Variants in TNKS2 observed in about 807,000 individuals in gnomAD.
TNKS2 encodes the protein tankyrase 2.
In TNKS2, 72 loss-of-function variants were observed where a neutral mutation model predicts 137.6. The observed-to-expected ratio is 0.52, with a 90% confidence interval of 0.43 to 0.64. TNKS2 has a LOEUF of 0.64. Among genes scored for constraint, TNKS2 ranks in the 30% least tolerant of loss-of-function variants. The probability of loss-of-function intolerance (pLI) is 0.00; values close to 1 mark genes in which losing one functional copy is unlikely to be tolerated. For missense variants in TNKS2, 1,049 were observed against 1,410.2 expected (o/e 0.74, Z 4.10); for synonymous variants, 516 against 512.1 (o/e 1.01, Z -0.10).
chr10:91,855,037 C>T lies in TNKS2; in HGVS notation c.2824C>T (p.Pro942Ser), dbSNP rs923219921. Residue 942 changes from proline (P) to serine (S), a missense_variant, in exon 22 of 27, where the codon CCA becomes TCA. Around this residue, in one of 6 missense-constraint regions of TNKS2, gnomAD observed 208 missense variants for 231.2 expected, o/e 0.90. Coordinates refer to ENST00000371627, the MANE Select transcript of TNKS2 (RefSeq NM_025235.4). ...RLISGQQGLN[P>S]YLTLNTSGSG... ...CAAATTTTGTTTCATAGGTCTTAAC[C>T]CATATTTAACTTTGAACACCTCTGG... 2 of 1,593,298 alleles carry T rather than the reference C, an allele frequency of 1.3e-6. No individual in the cohort carries two copies. Among genetic ancestry groups the T allele is most frequent in the Non-Finnish European group, 1.7e-6 (2 of 1,162,344 alleles).
At chr10:91,853,375 A>G (rs1842608976) in intron 21 of TNKS2, among the ~76,000 whole-genome samples, 1 of 152,160 alleles carries the variant, frequency 6.6e-6, no homozygotes, top group African/African-American at 2.4e-5. Flanking sequence ...GCTGTGTCTG[A>G]TCTAGCATAT....
At chr10:91,829,931 A>G (rs1845187736) in intron 9 of TNKS2, among the ~76,000 whole-genome samples, 2 of 152,362 alleles carry the variant, frequency 1.3e-5, no homozygotes, top group South Asian at 2.1e-4. Flanking sequence ...TTAGTCATGT[A>G]TCATTCAGAC....
intron 7 of TNKS2, among the ~76,000 whole-genome samples, chr10:91,824,983 A>C (rs929061248): frequency 6.6e-6 from 1 of 152,244 alleles, no homozygotes; most frequent in Non-Finnish European, 1.5e-5. Flanking sequence ...GGCCAATAGT[A>C]GAATAGTATT....
At chr10:91,843,755 G>T (rs1260644786) in intron 16 of TNKS2, among the ~76,000 whole-genome samples, 1 of 152,008 alleles carries the variant, frequency 6.6e-6, no homozygotes, top group Non-Finnish European at 1.5e-5. Flanking sequence ...ATTTAAACAT[G>T]GTATAAAAAG....
At chr10:91,858,517 C>A (rs570654729) in intron 24 of TNKS2, among the ~76,000 whole-genome samples, 1 of 152,258 alleles carries the variant, frequency 6.6e-6, no homozygotes, top group East Asian at 1.9e-4. Context: ...GGAATGTGAT[C>A]TTGATAAATG....
At chr10:91,855,218 A>T in intron 22 of TNKS2, 92 bp downstream of exon 22, 1 of 813,108 alleles carries the variant, frequency 1.2e-6, no homozygotes, top group Middle Eastern at 2.8e-4. Context: ...AGTTTGCATT[A>T]TATAATTTTC....
At position 91,846,445 on chromosome 10, in the gene TNKS2, A is replaced by G. The variant is rs947529909; in HGVS notation, c.2358+505A>G. Among the ~76,000 whole-genome samples, 5 of 152,226 alleles carry G rather than the reference A, an allele frequency of 3.3e-5. No homozygotes were observed. In the South Asian group the frequency reaches 6.2e-4, roughly 19 times the overall value. Reference sequence around the variant, plus strand: ...TGTTCATGAAACAAGTCTATTATCCACTTTCCTGTGGAGGTCCTGTTTTCC... The same window carrying G: ...TGTTCATGAAACAAGTCTATTATCCGCTTTCCTGTGGAGGTCCTGTTTTCC... On this transcript the variant is annotated intron_variant, in intron 18 of 26. Coordinates refer to ENST00000371627, the MANE Select transcript of TNKS2 (RefSeq NM_025235.4).
intron 6 of TNKS2, 87 bp downstream of exon 6, chr10:91,820,120 T>C (rs964174349): frequency 4.5e-6 from 4 of 885,378 alleles, no homozygotes; most frequent in Non-Finnish European, 6.6e-6. Flanking sequence ...TAATATTTTT[T>C]ACTAAATAAC....
At position 91,851,202 on chromosome 10, in the gene TNKS2, T is replaced by G. The variant is rs750426832; in HGVS notation, c.2695-14T>G. On this transcript the variant is annotated splice_polypyrimidine_tract_variant and intron_variant, in intron 20 of 26. Transcript: ENST00000371627. ...TAAGTAAGCATTCTAAGTAGTTTCC[T>G]CCTCTTTTGTAAGATCACTTTGGAT... The G allele has an allele frequency of 3.1e-6, 5 of 1,612,700 alleles. No individual in the cohort carries two copies. The highest frequency in any genetic ancestry group is 4.2e-6 in the Non-Finnish European group (5 of 1,179,606).
At chr10:91,852,862 A>G (rs576325328) in intron 21 of TNKS2, among the ~76,000 whole-genome samples, 9 of 152,346 alleles carry the variant, frequency 5.9e-5, no homozygotes, top group African/African-American at 2.2e-4. Context: ...TTAAAGGTAG[A>G]TGTATTTTAC....
intron 11 of TNKS2, among the ~76,000 whole-genome samples, chr10:91,832,740 A>G (rs1178276984): frequency 6.6e-6 from 1 of 152,088 alleles, no homozygotes; most frequent in African/African-American, 2.4e-5. Context: ...TTTCTTAGCT[A>G]TGTTGAATAA....
In TNKS2 at chr10:91,819,577, A is replaced by T; in HGVS notation, c.633+20A>T. 1 of 1,553,572 alleles carries T rather than the reference A, an allele frequency of 6.4e-7. No individual in the cohort carries two copies. Among genetic ancestry groups the T allele is most frequent in the African/African-American group, 1.4e-5 (1 of 72,416 alleles). ...AGAAAGGTACTTCCTTTTGCAACTG[A>T]GTTTGTGCTTATCTCCTGGTAACAT... On this transcript the variant is annotated intron_variant, in intron 5 of 26. Transcript: ENST00000371627.
chr10:91,812,915 A>G (rs1405721304), intron 1 of TNKS2, 68 bp from the exon 2 acceptor site: 15 of 1,563,060 alleles, frequency 9.6e-6, no homozygotes, highest in South Asian at 4.8e-5. Flanking sequence ...TTTAGTATGG[A>G]TGGTACTTAT....
intron 25 of TNKS2, 28 bp from the exon 26 acceptor site, chr10:91,861,971 G>T: frequency 6.3e-7 from 1 of 1,587,448 alleles, no homozygotes; most frequent in South Asian, 1.2e-5. Context: ...TTTGACTTCA[G>T]GGTGATCTTT....
intron 1 of TNKS2, among the ~76,000 whole-genome samples, chr10:91,809,506 AAT>A (rs762092332): frequency 2.0e-5 from 3 of 151,952 alleles, no homozygotes; most frequent in Non-Finnish European, 4.4e-5. Context: ...CTCTACTAAA[AAT>A]ACAAAAAATT....
intron 7 of TNKS2, among the ~76,000 whole-genome samples, chr10:91,823,241 C>T (rs1419561876): frequency 6.6e-6 from 1 of 151,858 alleles, no homozygotes; most frequent in East Asian, 1.9e-4. Flanking sequence ...TCACTTCTTC[C>T]AGTATGCTCA....
intron 25 of TNKS2, among the ~76,000 whole-genome samples, chr10:91,860,050 C>T (rs1248827151): frequency 6.6e-6 from 1 of 152,132 alleles, no homozygotes; most frequent in Non-Finnish European, 1.5e-5. Context: ...CTGAGCCTCT[C>T]TTCCACTGTG....
At chr10:91,835,232 G>A (rs1667808794) in intron 12 of TNKS2, among the ~76,000 whole-genome samples, 1 of 151,516 alleles carries the variant, frequency 6.6e-6, no homozygotes, top group African/African-American at 2.4e-5. Context: ...TTCTGATTAT[G>A]AGTAAGTTTG....
At position 91,841,330 on chromosome 10, in the gene TNKS2, T is replaced by C. The variant is rs1475498853; in HGVS notation, c.1721T>C (p.Val574Ala). 2 of 1,603,338 alleles carry C rather than the reference T, an allele frequency of 1.2e-6. No individual in the cohort carries two copies. The highest frequency in any genetic ancestry group is 1.7e-6 in the Non-Finnish European group (2 of 1,174,918). The change falls in exon 15 of 27, where the codon GTT (valine) becomes GCT (alanine). Residue 574 changes from valine (V) to alanine (A), a missense_variant. Coordinates refer to ENST00000371627, the MANE Select transcript of TNKS2 (RefSeq NM_025235.4). ...HNACSYGHYEVAELLVKHGAV... is the reference protein window; with the variant it reads ...HNACSYGHYEAAELLVKHGAV... ...GCATGTTCTTATGGACATTATGAAG[T>C]TGCAGAACTTCTTGTTAAACATGGA...
Sources: gnomAD v4.1 joint callset for allele counts (sites outside exome capture counted in the v4.1 genomes callset) on GRCh38, gnomAD v4.1.1 for gene constraint, gnomAD v4.1.1 regional missense constraint, MANE v1.5 for transcripts, NCBI Gene and HGNC (gene_info 2026-07-23, HGNC 2026-07-21) for gene names.